The following LRRC9 variants were observed in gnomAD, a reference collection of about 807,000 sequenced individuals.
LRRC9 encodes the protein leucine rich repeat containing 9, also known as leucine-rich repeat-containing protein 9.
A neutral mutation model predicts 63.2 loss-of-function variants in LRRC9; 122 were observed. The observed-to-expected ratio is 1.93, with a 90% CI of 1.67 to 2.24. LRRC9 has a LOEUF of 2.24. LRRC9 is among the 30% of genes most tolerant of loss of function. The pLI is 0.00. For missense variants in LRRC9, 1,071 were observed against 627.7 expected, an observed-to-expected ratio of 1.71 and a Z score of -7.55; for synonymous variants, 366 against 213.1, an observed-to-expected ratio of 1.72 and a Z score of -6.25.
chr14:59,948,298 G>T, intron 8 of LRRC9, among the ~76,000 whole-genome samples: 1 of 136,912 alleles, frequency 7.3e-6, no homozygotes. Flanking sequence ...CTCATGATTT[G>T]GCTCTCTGTT....
At chr14:59,991,163 C>T (rs1888046564) in intron 17 of LRRC9, among the ~76,000 whole-genome samples, 1 of 152,186 alleles carries the variant, frequency 6.6e-6, no homozygotes, top group Non-Finnish European at 1.5e-5. Context: ...TTGAATCACT[C>T]ACTTATAATT....
intron 17 of LRRC9, among the ~76,000 whole-genome samples, chr14:59,992,780 C>A (rs940874571): frequency 6.6e-6 from 1 of 152,108 alleles, no homozygotes; most frequent in Non-Finnish European, 1.5e-5. Flanking sequence ...AAGAAATGAA[C>A]AAAGCCTCCA....
chr14:59,946,333 T>G (rs150666), intron 8 of LRRC9, among the ~76,000 whole-genome samples: 15,996 of 150,966 alleles, frequency 0.11, 938 homozygotes, highest in South Asian at 0.26. Flanking sequence ...AAAAGATTAT[T>G]TCCATAAAAA....
chr14:59,998,443 G>T (rs1369365792), intron 18 of LRRC9, among the ~76,000 whole-genome samples: 2 of 151,870 alleles, frequency 1.3e-5, no homozygotes, highest in African/African-American at 4.8e-5. Context: ...GTAGATTAAT[G>T]CTAGGTAATT....
At chr14:59,924,864 C>CATACCAAG (rs1184174045) in intron 1 of LRRC9, among the ~76,000 whole-genome samples, 1 of 151,818 alleles carries the variant, frequency 6.6e-6, no homozygotes, top group Non-Finnish European at 1.5e-5. Context: ...ATTCTGCAAA[C>CATACCAAG]ATACCAAGTA....
intron 23 of LRRC9, among the ~76,000 whole-genome samples, chr14:60,013,519 T>C (rs1890426780): frequency 6.6e-6 from 1 of 152,168 alleles, no homozygotes; most frequent in African/African-American, 2.4e-5. Context: ...GTCTACAAAA[T>C]TCTTTCACAG....
rs934148578 is a variant in LRRC9, at chr14:60,058,565, G to T, written c.4276+543G>T. Among the ~76,000 whole-genome samples the T allele has an allele frequency of 1.3e-5, 2 of 152,138 alleles. No homozygotes were observed. The highest frequency in any genetic ancestry group is 4.8e-5 in the African/African-American group (2 of 41,430). On this transcript the variant is annotated intron_variant, in intron 31 of 31. Coordinates refer to ENST00000445360, the Ensembl canonical transcript of LRRC9. The surrounding 1 kb of genome is among the most constrained non-coding windows in gnomAD (Gnocchi z 4.4). ...GGAGTGTATTAAAAGAACAAGCATGGAAGTGGTTTATTCTGCTATATAAAT... is the reference window on the plus strand; with the variant it reads ...GGAGTGTATTAAAAGAACAAGCATGTAAGTGGTTTATTCTGCTATATAAAT...
intron 29 of LRRC9, among the ~76,000 whole-genome samples, chr14:60,050,786 G>A (rs1893829386): frequency 6.6e-6 from 1 of 151,924 alleles, no homozygotes; most frequent in South Asian, 2.1e-4. Flanking sequence ...GTTCTTGTCT[G>A]TTTGTTTGTT....
chr14:59,992,929 A>C (rs1234957477), intron 17 of LRRC9, among the ~76,000 whole-genome samples: 1 of 152,246 alleles, frequency 6.6e-6, no homozygotes, highest in Non-Finnish European at 1.5e-5. Context: ...AAGGTAGGCC[A>C]ACATTCAAAT....
At chr14:59,944,604 A>C in exon 8 of LRRC9, 1 of 574,270 alleles carries the variant, frequency 1.7e-6, no homozygotes, top group Non-Finnish European at 3.1e-6. Flanking sequence ...AGCAATGAAA[A>C]AAATAATGTA....
intron 1 of LRRC9, among the ~76,000 whole-genome samples, chr14:59,924,812 T>C (rs747427513): frequency 4.6e-5 from 7 of 152,126 alleles, no homozygotes; most frequent in Non-Finnish European, 7.4e-5. Context: ...CTACCATTAT[T>C]TATTTCTCTC....
rs1238139534 is a variant in LRRC9 at position 59,942,127 on chromosome 14, C to T, written c.727-2462C>T. Among the ~76,000 whole-genome samples, 4 of 152,090 alleles carry T rather than the reference C, an allele frequency of 2.6e-5. No homozygotes were observed. The highest frequency in any genetic ancestry group is 5.9e-5 in the Non-Finnish European group (4 of 68,022). On this transcript the variant is annotated intron_variant, in intron 7 of 31. Transcript: ENST00000445360. This position sits in a 1 kb window ranked among gnomAD's most constrained non-coding sequence, Gnocchi z 5.3. ...TGTCCTCCAGGCTCAACCATGTTGC[C>T]ACAAATGACAGGATTTAATTCTTTT...
At chr14:60,023,646 C>T (rs1891290329) in intron 27 of LRRC9, among the ~76,000 whole-genome samples, 1 of 152,008 alleles carries the variant, frequency 6.6e-6, no homozygotes, top group African/African-American at 2.4e-5. Context: ...CATTACTTTA[C>T]AGTAATTTTT....
intron 29 of LRRC9, among the ~76,000 whole-genome samples, chr14:60,050,861 G>A (rs990768563): frequency 1.6e-4 from 25 of 152,192 alleles, no homozygotes; most frequent in African/African-American, 5.5e-4. Flanking sequence ...GGGGTCCACC[G>A]CAGACCCTAA....
Position 60,028,121 on chromosome 14 carries a change from A to G in LRRC9, c.3921+20A>G, listed in dbSNP as rs1891702673. ...ATCCAGGTAACATTATTATTTTTTT[A>G]TTATGGGATTTACAAGCTTTAGTTT... On this transcript the variant is annotated intron_variant, in intron 28 of 31. Coordinates refer to ENST00000445360, the Ensembl canonical transcript of LRRC9. The G allele has an allele frequency of 1.5e-6, 1 of 677,610 alleles. No homozygotes were observed. The highest frequency in any genetic ancestry group is 2.3e-5 in the Admixed American group (1 of 44,248). 42.0% of individuals were successfully genotyped at this position (677,610 alleles called of 1,614,324 possible).
intron 29 of LRRC9, among the ~76,000 whole-genome samples, chr14:60,037,165 A>G (rs865965299): frequency 3.9e-5 from 6 of 152,104 alleles, no homozygotes; most frequent in South Asian, 2.1e-4. Context: ...CAGTCTATCA[A>G]TGATGGACAT....
chr14:60,064,194 T>A (rs985128397), downstream of LRRC9, among the ~76,000 whole-genome samples: 1 of 152,222 alleles, frequency 6.6e-6, no homozygotes, highest in East Asian at 1.9e-4. Context: ...TTCTAAACTA[T>A]TACATTGCAT....
In LRRC9 at chr14:59,958,525, G is replaced by A. The variant is rs1594873773; in HGVS notation, c.883-1293G>A. On this transcript the variant is annotated intron_variant, in intron 8 of 31. Coordinates refer to ENST00000445360, the Ensembl canonical transcript of LRRC9. This position sits in a 1 kb window ranked among gnomAD's most constrained non-coding sequence, Gnocchi z 4.0. ...GACTTCAGACTGCTGTGCTGGCAGC[G>A]AGAATTTCAAGCTAGTGGTTCTTAG... is the stretch of plus-strand genomic sequence containing the variant. 6.6e-6 allele frequency among the ~76,000 whole-genome samples: 1 copy of A among 152,232 alleles called. No homozygotes were observed. The highest frequency in any genetic ancestry group is 1.9e-4 in the East Asian group (1 of 5,194).
At chr14:59,941,769 C>A (rs952593568) in intron 7 of LRRC9, among the ~76,000 whole-genome samples, 3 of 152,080 alleles carry the variant, frequency 2.0e-5, no homozygotes, top group African/African-American at 7.2e-5. Flanking sequence ...AGGGTAATTA[C>A]CATATTCATC....
Sources: gnomAD v4.1 joint callset for allele counts (sites outside exome capture counted in the v4.1 genomes callset) on GRCh38, gnomAD v4.1.1 for gene constraint, Gnocchi (gnomAD v3.1) non-coding constraint, MANE v1.5 for transcripts, NCBI Gene and HGNC (gene_info 2026-07-23, HGNC 2026-07-21) for gene names.